TPTE: variants seen among roughly 807,000 people sequenced by gnomAD.
The protein encoded by TPTE is putative tyrosine-protein phosphatase TPTE.
In TPTE, 59 loss-of-function variants were observed where a neutral mutation model predicts 84.1. The ratio of observed to expected loss-of-function variants is 0.70; its 90% CI spans 0.57 to 0.87. The LOEUF (loss-of-function observed/expected upper bound fraction) is 0.87. TPTE is among the 40% of genes least tolerant of loss of function. TPTE has a pLI of 0.00. For missense variants in TPTE, 382 were observed against 659.6 expected, an observed-to-expected ratio of 0.58 and a Z score of 4.61; for synonymous variants, 130 against 223.5, an observed-to-expected ratio of 0.58 and a Z score of 3.73.
Position 10,548,353 on chromosome 21 carries a change from C to T in TPTE, c.174-4304C>T, listed in dbSNP as rs578119896. 1.6e-4 allele frequency among the ~76,000 whole-genome samples: 25 copies of T among 152,410 alleles called. No homozygotes were observed. The East Asian group carries it at 4.4e-3, about 27-fold the overall frequency. On this transcript the variant is annotated intron_variant, in intron 7 of 23. Transcript: ENST00000618007. ...GAAATAGTCCTGTATCCATTCCCAG[C>T]AGATGCACCTCCAGACCAGCCAATC...
At chr21:10,575,012 C>A (rs2075122882) in intron 14 of TPTE, among the ~76,000 whole-genome samples, 1 of 152,312 alleles carries the variant, frequency 6.6e-6, no homozygotes, top group Non-Finnish European at 1.5e-5. Flanking sequence ...TCTGCAGGCC[C>A]CGTTTCCTTG....
intron 2 of TPTE, among the ~76,000 whole-genome samples, chr21:10,526,951 C>T (rs970392978): frequency 1.3e-5 from 2 of 152,304 alleles, no homozygotes; most frequent in Admixed American, 6.5e-5. Context: ...AAAAATGAAT[C>T]CAGACAAAGA....
chr21:10,529,693 T>G (rs1294259037), intron 3 of TPTE, among the ~76,000 whole-genome samples: 1 of 152,310 alleles, frequency 6.6e-6, no homozygotes, highest in African/African-American at 2.4e-5. Flanking sequence ...ATGGTTCATA[T>G]CTCTATTGTG....
Position 10,596,269 on chromosome 21 carries a change from G to A in TPTE, c.1276+182G>A, listed in dbSNP as rs1486236129. Reference sequence around the variant, plus strand: ...TCCTGCAATTGCCCATTGATTGCCAGCCCTTAGATGTTCTTCACTTTTTCT... The same window carrying A: ...TCCTGCAATTGCCCATTGATTGCCAACCCTTAGATGTTCTTCACTTTTTCT... On this transcript the variant is annotated intron_variant, in intron 20 of 23. Transcript: ENST00000618007. 1.5e-4 allele frequency among the ~76,000 whole-genome samples: 23 copies of A among 152,364 alleles called. No individual in the cohort carries two copies. The East Asian group carries it at 2.1e-3, about 14-fold the overall frequency.
chr21:10,570,428 T>G, intron 13 of TPTE, 57 bp from the exon 14 acceptor site: 2 of 1,611,676 alleles, frequency 1.2e-6, no homozygotes, highest in Non-Finnish European at 1.7e-6. Context: ...TTAATTTTTT[T>G]GTATGTTGTA....
rs1367075878 is a variant in TPTE at position 10,542,407 on chromosome 21, T to C, written c.78T>C (p.Ser26=). 1.2e-6 allele frequency: 2 copies of C among 1,611,734 alleles called. No homozygotes were observed. Among genetic ancestry groups the C allele is most frequent in the Non-Finnish European group, 1.7e-6 (2 of 1,178,296 alleles). Residue 26 remains serine, a synonymous_variant, in exon 6 of 24, where the codon AGT becomes AGC. Transcript: ENST00000618007. Reference sequence around the variant, plus strand: ...TATCATCCACTAGTCCACAGACAAGTGAATTTAAAGGAGCAACCGAGGAGG... The same window carrying C: ...TATCATCCACTAGTCCACAGACAAGCGAATTTAAAGGAGCAACCGAGGAGG... ...ELGPNDSPQT[S]EFKGATEEAP... is the part of the protein sequence containing the mutation.
chr21:10,541,263 G>C, intron 5 of TPTE, 98 bp downstream of exon 5: 1 of 1,535,060 alleles, frequency 6.5e-7, no homozygotes, highest in South Asian at 1.1e-5. Flanking sequence ...CCTGAGGTCG[G>C]GTGTTCGAGA....
intron 17 of TPTE, among the ~76,000 whole-genome samples, chr21:10,580,683 T>G (rs1385127390): frequency 6.6e-6 from 1 of 152,308 alleles, no homozygotes; most frequent in African/African-American, 2.4e-5. Flanking sequence ...TTTCTGGGCT[T>G]TGTATTCTGT....
chr21:10,530,058 CATT>C (rs2074150352), intron 3 of TPTE, among the ~76,000 whole-genome samples: 1 of 152,306 alleles, frequency 6.6e-6, no homozygotes, highest in Non-Finnish European at 1.5e-5. Flanking sequence ...TCCTTTCTGT[CATT>C]ATTTATTTTG....
At chr21:10,560,383 C>CTTG (rs1224884848) in intron 9 of TPTE, among the ~76,000 whole-genome samples, 1 of 152,298 alleles carries the variant, frequency 6.6e-6, no homozygotes, top group East Asian at 1.9e-4. Context: ...TAAAAAAGTA[C>CTTG]TTCAAAGACT....
At chr21:10,582,815 C>T (rs542268152) in intron 17 of TPTE, among the ~76,000 whole-genome samples, 335 of 151,136 alleles carry the variant, frequency 2.2e-3, no homozygotes, top group African/African-American at 7.9e-3. Flanking sequence ...TTCATTGCAA[C>T]CTCCGCCTCC....
intron 21 of TPTE, among the ~76,000 whole-genome samples, chr21:10,601,657 A>T (rs531840696): frequency 8.5e-4 from 130 of 152,216 alleles, no homozygotes; most frequent in South Asian, 1.7e-3. Flanking sequence ...GTTTGAGACC[A>T]GCCTGCCTAA....
chr21:10,537,332 T>G (rs1406158187), intron 3 of TPTE, among the ~76,000 whole-genome samples: 1 of 152,300 alleles, frequency 6.6e-6, no homozygotes, highest in Admixed American at 6.5e-5. Context: ...CACTGCCAAG[T>G]CTAAATTCAA....
At chr21:10,523,871 A>G (rs572254616) in intron 1 of TPTE, among the ~76,000 whole-genome samples, 166 of 152,328 alleles carry the variant, frequency 1.1e-3, no homozygotes, top group African/African-American at 3.7e-3. Flanking sequence ...AGGAATCGCC[A>G]CACTGACTTC....
In TPTE at chr21:10,542,557, A is replaced by G; in HGVS notation, c.119+109A>G. 32 of 1,342,374 alleles carry G rather than the reference A, an allele frequency of 2.4e-5. No individual in the cohort carries two copies. In the South Asian group the frequency reaches 3.6e-4, roughly 15 times the overall value. The allele number at this position is 1,342,374 out of a possible 1,614,324, so 83.2% of individuals were successfully genotyped here. A position where few individuals can be genotyped will look rare whatever the true frequency, so the allele number is the denominator to read the frequency against. On this transcript the variant is annotated intron_variant, in intron 6 of 23. Transcript: ENST00000618007. ...CATCCATCCATCCATCCATCCATCC[A>G]TCCATTCATCCATCCATCCATCCAT...
rs1255067524 is a variant in TPTE at position 10,582,772 on chromosome 21, C to T, written c.1027+4167C>T. 5.3e-5 allele frequency among the ~76,000 whole-genome samples: 8 copies of T among 152,332 alleles called. No homozygotes were observed. The South Asian group carries it at 8.3e-4, about 16-fold the overall frequency. ...GTTTTGAGATTAGGTCTCACTCTGT[C>T]ACCCAGGCTGGAGTGCAGTGACATG... On this transcript the variant is annotated intron_variant, in intron 17 of 23. Transcript: ENST00000618007.
At chr21:10,571,626 A>G (rs2075044803) in intron 14 of TPTE, among the ~76,000 whole-genome samples, 1 of 152,310 alleles carries the variant, frequency 6.6e-6, no homozygotes, top group Non-Finnish European at 1.5e-5. Flanking sequence ...ACAATTTATG[A>G]TCTTATGAGA....
At chr21:10,558,476 T>G (rs1469109062) in intron 8 of TPTE, among the ~76,000 whole-genome samples, 2 of 152,306 alleles carry the variant, frequency 1.3e-5, no homozygotes, top group African/African-American at 2.4e-5. Context: ...CTCATTGTGG[T>G]TTTGATTTGC....
intron 17 of TPTE, among the ~76,000 whole-genome samples, chr21:10,579,502 A>G (rs1225540884): frequency 6.6e-5 from 10 of 152,420 alleles, no homozygotes; most frequent in South Asian, 2.1e-4. Flanking sequence ...AAAAATAACA[A>G]TAATCATAAA....
Sources: gnomAD v4.1 joint callset for allele counts (sites outside exome capture counted in the v4.1 genomes callset) on GRCh38, gnomAD v4.1.1 for gene constraint, MANE v1.5 for transcripts, NCBI Gene and HGNC (gene_info 2026-07-23, HGNC 2026-07-21) for gene names.